ARFGEF3: variants seen among roughly 807,000 people sequenced by gnomAD.
ARFGEF3 encodes ARFGEF family member 3.
In ARFGEF3, 96 loss-of-function variants were observed where a neutral mutation model predicts 221.7. The observed-to-expected ratio is 0.43, with a 90% confidence interval of 0.37 to 0.51. ARFGEF3 has a LOEUF of 0.51. ARFGEF3 is among the 20% of genes least tolerant of loss of function. The pLI, the probability that ARFGEF3 is intolerant of heterozygous loss-of-function variation, is 0.00. For synonymous variants in ARFGEF3, 1,145 were observed against 1,126.8 expected (o/e 1.02, Z -0.32); for missense variants, 2,410 against 2,789.9 (o/e 0.86, Z 3.07).
chr6:138,172,059 T>C (rs894190255), intron 2 of ARFGEF3, among the ~76,000 whole-genome samples: 2 of 152,224 alleles, frequency 1.3e-5, no homozygotes, highest in African/African-American at 4.8e-5. Context: ...TTTTAAAAAA[T>C]TCATTACTTT....
chr6:138,334,325 A>G lies in ARFGEF3; in HGVS notation c.5479A>G (p.Thr1827Ala). ...CCACGCCCTGGTGTGTGCTGTTCTCACCAATCAAGAAACCATCACGGCCGA... is the reference window on the plus strand; with the variant it reads ...CCACGCCCTGGTGTGTGCTGTTCTCGCCAATCAAGAAACCATCACGGCCGA... The part of the protein sequence containing the change: ...YFHALVCAVL[T>A]NQETITAEQV... The change falls in exon 33 of 34, where the codon ACC (threonine) becomes GCC (alanine). Residue 1827 changes from threonine (T) to alanine (A), a missense_variant. Thr to Ala is a moderately conservative substitution (Grantham distance 58, BLOSUM62 0). Around this residue, in one of 5 missense-constraint regions of ARFGEF3, gnomAD observed 723 missense variants for 991.9 expected, o/e 0.73. Coordinates refer to ENST00000251691, the MANE Select transcript of ARFGEF3 (RefSeq NM_020340.5). The surrounding 1 kb of genome is among the most constrained non-coding windows in gnomAD (Gnocchi z 5.1). The G allele has an allele frequency of 6.2e-7, 1 of 1,613,800 alleles. No homozygotes were observed. The highest frequency in any genetic ancestry group is 8.5e-7 in the Non-Finnish European group (1 of 1,179,854).
chr6:138,287,589 A>G (rs917936767), intron 17 of ARFGEF3, among the ~76,000 whole-genome samples: 1 of 152,228 alleles, frequency 6.6e-6, no homozygotes, highest in African/African-American at 2.4e-5. Flanking sequence ...AAGAAAATTC[A>G]TGAGGGGAGG....
chr6:138,232,635 T>C (rs1447187731), intron 5 of ARFGEF3, among the ~76,000 whole-genome samples: 5 of 152,164 alleles, frequency 3.3e-5, no homozygotes, highest in Non-Finnish European at 7.4e-5. Context: ...GGCCATTGTT[T>C]TTTCCTCTAA....
chr6:138,329,770 C>T lies in ARFGEF3; in HGVS notation c.5123+1628C>T, dbSNP rs545270404. On this transcript the variant is annotated intron_variant, in intron 32 of 33. Coordinates refer to ENST00000251691, the MANE Select transcript of ARFGEF3 (RefSeq NM_020340.5). ...CTGCAGTGGACAGAATGTGTCCCCC[C>T]ACATTGATGTGGTTACGCCTATCCC... Among the ~76,000 whole-genome samples, 127 of 152,348 alleles carry T rather than the reference C, an allele frequency of 8.3e-4. 1 individual carries two copies. Among genetic ancestry groups the T allele is most frequent in the Non-Finnish European group, 7.8e-4 (53 of 68,028 alleles).
chr6:138,226,746 G>C (rs1218665653), intron 4 of ARFGEF3, among the ~76,000 whole-genome samples: 1 of 152,160 alleles, frequency 6.6e-6, no homozygotes, highest in East Asian at 1.9e-4. Flanking sequence ...ATTTCAATTT[G>C]TTATTGCCCT....
Position 138,339,267 on chromosome 6 carries a change from A to T in ARFGEF3, c.*2781A>T, listed in dbSNP as rs1259336319. 1.3e-5 allele frequency: 2 copies of T among 152,222 alleles called. No individual in the cohort carries two copies. Among genetic ancestry groups the T allele is most frequent in the East Asian group, 1.9e-4 (1 of 5,186 alleles). The allele number at this position is 152,222 out of a possible 1,614,324, so 9.4% of individuals were successfully genotyped here. ...TGAAGAACACTGAGAGGGGAGTGGC[A>T]CCTTCCCAGGCTGCCCAGCTCAGTC... On this transcript the variant is annotated 3_prime_UTR_variant, in exon 34 of 34. Transcript: ENST00000251691.
chr6:138,323,895 G>A, intron 30 of ARFGEF3, 122 bp downstream of exon 30: 1 of 1,534,716 alleles, frequency 6.5e-7, no homozygotes, highest in South Asian at 1.2e-5. Context: ...TTTAGATCTT[G>A]CAGAGAGTGA....
chr6:138,218,582 T>C, intron 4 of ARFGEF3: 1 of 1,065,826 alleles, frequency 9.4e-7, no homozygotes. Flanking sequence ...GGTAGAGTTT[T>C]ATGATTTGAT....
intron 2 of ARFGEF3, among the ~76,000 whole-genome samples, chr6:138,191,478 C>T (rs1223390471): frequency 2.0e-5 from 3 of 152,152 alleles, no homozygotes; most frequent in Admixed American, 6.5e-5. Context: ...CTGGCTACTA[C>T]TTCTTTGTCA....
intron 2 of ARFGEF3, among the ~76,000 whole-genome samples, chr6:138,178,567 A>T (rs528500769): frequency 6.6e-6 from 1 of 152,144 alleles, no homozygotes; most frequent in South Asian, 2.1e-4. Flanking sequence ...AAGCTCATCA[A>T]CCACGTTGGC....
chr6:138,204,528 G>A (rs1283164644), intron 2 of ARFGEF3, among the ~76,000 whole-genome samples: 2 of 152,080 alleles, frequency 1.3e-5, no homozygotes, highest in African/African-American at 4.8e-5. Context: ...TTTACTAATG[G>A]TCTGTGATTG....
At position 138,238,845 on chromosome 6, in the gene ARFGEF3, G is replaced by A. The variant is rs189540309; in HGVS notation, c.543+214G>A. On this transcript the variant is annotated intron_variant, in intron 6 of 33. Transcript: ENST00000251691. ...AGAATTGCTTTTCCTTGCAGTTTCC[G>A]TGATTTTTTGAGTTATTTTAAAACT... 1.6e-4 allele frequency among the ~76,000 whole-genome samples: 25 copies of A among 152,190 alleles called. No individual in the cohort carries two copies. In the East Asian group the frequency reaches 2.1e-3, roughly 13 times the overall value.
intron 32 of ARFGEF3, among the ~76,000 whole-genome samples, chr6:138,333,472 T>C (rs1780261149): frequency 6.6e-6 from 1 of 152,244 alleles, no homozygotes; most frequent in Non-Finnish European, 1.5e-5. Context: ...GACAGAGTCT[T>C]GCTCTGTTGC....
intron 32 of ARFGEF3, among the ~76,000 whole-genome samples, chr6:138,329,621 G>A (rs558761842): frequency 9.2e-5 from 14 of 152,280 alleles, no homozygotes; most frequent in Non-Finnish European, 1.3e-4. Flanking sequence ...CTGAGATCAC[G>A]CCACTGCACT....
chr6:138,258,466 T>C (rs188450232), intron 10 of ARFGEF3, among the ~76,000 whole-genome samples: 22 of 152,344 alleles, frequency 1.4e-4, no homozygotes, highest in African/African-American at 5.3e-4. Flanking sequence ...GCTAAGACAG[T>C]GAAGCCTGGT....
At chr6:138,195,446 C>G (rs1777398478) in intron 2 of ARFGEF3, among the ~76,000 whole-genome samples, 1 of 152,184 alleles carries the variant, frequency 6.6e-6, no homozygotes. Context: ...CTCTCCCCCT[C>G]TCCTCTGCCT....
At chr6:138,321,069 C>T (rs1780018762) in intron 28 of ARFGEF3, 42 bp from the exon 29 acceptor site, 2 of 1,183,244 alleles carry the variant, frequency 1.7e-6, no homozygotes, top group Non-Finnish European at 2.5e-6. Flanking sequence ...TACCCCTTTA[C>T]ACTAGAGCTG....
chr6:138,310,759 A>G (rs1779812084), intron 24 of ARFGEF3, among the ~76,000 whole-genome samples: 1 of 152,246 alleles, frequency 6.6e-6, no homozygotes, highest in South Asian at 2.1e-4. Context: ...ACTCTTACAG[A>G]AAAACCTAGA....
chr6:138,195,958 G>A (rs1384219277), intron 2 of ARFGEF3, among the ~76,000 whole-genome samples: 1 of 149,686 alleles, frequency 6.7e-6, no homozygotes, highest in Non-Finnish European at 1.5e-5. Context: ...ATGTTAAAAT[G>A]GATTGACAAT....
Sources: allele counts gnomAD v4.1 joint callset (sites outside exome capture counted in the v4.1 genomes callset), GRCh38; gene constraint gnomAD v4.1.1; regional missense constraint gnomAD v4.1.1; non-coding constraint Gnocchi (gnomAD v3.1); transcripts MANE v1.5; gene names NCBI Gene and HGNC (gene_info 2026-07-23, HGNC 2026-07-21).